The following ADAMTS17 variants were observed in gnomAD, a reference collection of about 807,000 sequenced individuals.
The protein encoded by ADAMTS17 is A disintegrin and metalloproteinase with thrombospondin motifs 17.
A neutral mutation model predicts 141.5 loss-of-function variants in ADAMTS17; 113 were observed. The ratio of observed to expected loss-of-function variants is 0.80; its 90% CI spans 0.69 to 0.93. The LOEUF (loss-of-function observed/expected upper bound fraction) is 0.93, where lower values mean the gene tolerates loss of function less well. Among genes scored for constraint, ADAMTS17 ranks in the 40% least tolerant of loss-of-function variants. The pLI, the probability that ADAMTS17 is intolerant of heterozygous loss-of-function variation, is 0.00. For synonymous variants in ADAMTS17, 768 were observed against 630.6 expected (o/e 1.22, Z -3.27); for missense variants, 1,659 against 1,517.9 (o/e 1.09, Z -1.54).
intron 3 of ADAMTS17, among the ~76,000 whole-genome samples, chr15:100,290,537 GC>G (rs1379095016): frequency 1.3e-5 from 2 of 152,154 alleles, no homozygotes; most frequent in Non-Finnish European, 2.9e-5. Flanking sequence ...CCAGGAAAGA[GC>G]CTGAATAGCT....
chr15:99,971,612 G>A lies in ADAMTS17; in HGVS notation c.*2790C>T, dbSNP rs529656441. 3 of 152,248 alleles carry A rather than the reference G, an allele frequency of 2.0e-5. No homozygotes were observed. The highest frequency in any genetic ancestry group is 4.1e-4 in the South Asian group (2 of 4,828). The allele number at this position is 152,248 out of a possible 1,614,324, so 9.4% of individuals were successfully genotyped here. On this transcript the variant is annotated 3_prime_UTR_variant, in exon 22 of 22. Transcript: ENST00000268070. Reference sequence around the variant, plus strand: ...TCCATGGGTACAGTATGTAATGCAAGTTAACGAATGGAAAATAGATACATT... The same window carrying A: ...TCCATGGGTACAGTATGTAATGCAAATTAACGAATGGAAAATAGATACATT...
chr15:100,116,382 C>CA (rs1392788617), intron 13 of ADAMTS17, among the ~76,000 whole-genome samples: 3 of 152,222 alleles, frequency 2.0e-5, no homozygotes, highest in African/African-American at 4.8e-5. Context: ...AAACTATTCT[C>CA]AAAATGTTCC....
At position 100,165,567 on chromosome 15, in the gene ADAMTS17, C is replaced by T. The variant is rs533987729; in HGVS notation, c.1182-10247G>A. 1.1e-4 allele frequency among the ~76,000 whole-genome samples: 16 copies of T among 152,142 alleles called. 1 individual carries two copies. Among genetic ancestry groups the T allele is most frequent in the Admixed American group, 7.2e-4 (11 of 15,274 alleles). The stretch of plus-strand genomic sequence containing the variant: ...TGCATCTAGAGCCAATGCAGGCAAA[C>T]GGCCTTATGACTTGAATAGACTCTG... On this transcript the variant is annotated intron_variant, in intron 8 of 21. Transcript: ENST00000268070.
intron 7 of ADAMTS17, among the ~76,000 whole-genome samples, chr15:100,200,223 T>A (rs2041273450): frequency 1.3e-5 from 2 of 152,114 alleles, no homozygotes; most frequent in African/African-American, 4.8e-5. Context: ...GGAGGCCGCA[T>A]CCCAAGGATG....
At chr15:100,303,759 G>T (rs949877322) in intron 3 of ADAMTS17, among the ~76,000 whole-genome samples, 2 of 151,628 alleles carry the variant, frequency 1.3e-5, no homozygotes, top group African/African-American at 4.8e-5. Context: ...CTCTCTTGTC[G>T]CCCAGGCTGG....
chr15:100,176,288 A>T (rs947921432), intron 8 of ADAMTS17, among the ~76,000 whole-genome samples: 1 of 152,202 alleles, frequency 6.6e-6, no homozygotes, highest in African/African-American at 2.4e-5. Flanking sequence ...AACGAGGAGG[A>T]GGAAGATGAC....
intron 7 of ADAMTS17, among the ~76,000 whole-genome samples, chr15:100,230,840 C>T (rs532022796): frequency 1.0e-5 from 1 of 96,578 alleles, no homozygotes. Flanking sequence ...ATACCAAACA[C>T]CTCCTGAAAC....
intron 15 of ADAMTS17, among the ~76,000 whole-genome samples, chr15:100,093,484 T>C (rs1464290574): frequency 6.6e-6 from 1 of 152,162 alleles, no homozygotes; most frequent in East Asian, 1.9e-4. Flanking sequence ...TCTAAACTGA[T>C]AGGCCTGGTG....
At chr15:100,060,987 G>A (rs76941960) in intron 15 of ADAMTS17, among the ~76,000 whole-genome samples, 1 of 152,194 alleles carries the variant, frequency 6.6e-6, no homozygotes, top group East Asian at 1.9e-4. Flanking sequence ...CATCAGCCAG[G>A]CCCTGGAGTC....
chr15:100,302,616 T>A (rs2045080156), intron 3 of ADAMTS17, among the ~76,000 whole-genome samples: 1 of 152,180 alleles, frequency 6.6e-6, no homozygotes, highest in African/African-American at 2.4e-5. Context: ...CTCATTGTAA[T>A]TTTGATTTGC....
chr15:100,211,698 T>A (rs192668790), intron 7 of ADAMTS17, among the ~76,000 whole-genome samples: 1 of 152,118 alleles, frequency 6.6e-6, no homozygotes, highest in Non-Finnish European at 1.5e-5. Flanking sequence ...AGAAAAGACA[T>A]AATGAAGACA....
intron 14 of ADAMTS17, among the ~76,000 whole-genome samples, chr15:100,105,566 T>C (rs1567181133): frequency 6.6e-6 from 1 of 152,186 alleles, no homozygotes; most frequent in Non-Finnish European, 1.5e-5. Context: ...AATTGAACCG[T>C]TCATACCAAC....
intron 10 of ADAMTS17, among the ~76,000 whole-genome samples, chr15:100,145,383 T>C (rs2038852551): frequency 6.6e-6 from 1 of 152,242 alleles, no homozygotes. Flanking sequence ...ATGAATATTT[T>C]TCTTTCGTTT....
chr15:100,053,914 G>A lies in ADAMTS17; in HGVS notation c.2278C>T (p.Leu760=). ...CAAGTTACCATCAAGTGCAGCGGTAGTTTGGTTGGTCCCTTGGCAGAGATC... is the reference window on the plus strand; with the variant it reads ...CAAGTTACCATCAAGTGCAGCGGTAATTTGGTTGGTCCCTTGGCAGAGATC... ...EKISAKGPTK[L]PLHLMVLLFH... The change falls in exon 16 of 22, where the codon CTA becomes TTA. Residue 760 remains leucine (L), a synonymous_variant. Coordinates refer to ENST00000268070, the MANE Select transcript of ADAMTS17 (RefSeq NM_139057.4). 2 of 1,614,210 alleles carry A rather than the reference G, an allele frequency of 1.2e-6. No homozygotes were observed. Among genetic ancestry groups the A allele is most frequent in the Non-Finnish European group, 1.7e-6 (2 of 1,180,036 alleles).
At chr15:100,161,499 T>C (rs1476437691) in intron 8 of ADAMTS17, among the ~76,000 whole-genome samples, 2 of 152,234 alleles carry the variant, frequency 1.3e-5, no homozygotes, top group African/African-American at 4.8e-5. Context: ...CCTACTTTCA[T>C]AGCCCTGTGG....
intron 15 of ADAMTS17, among the ~76,000 whole-genome samples, chr15:100,072,971 G>A (rs573499218): frequency 6.6e-6 from 1 of 152,280 alleles, no homozygotes; most frequent in Admixed American, 6.5e-5. Flanking sequence ...CCATCAGAGT[G>A]AACAGGCAAC....
chr15:100,185,968 T>C (rs1361619252), intron 8 of ADAMTS17, among the ~76,000 whole-genome samples: 1 of 152,036 alleles, frequency 6.6e-6, no homozygotes, highest in Non-Finnish European at 1.5e-5. Flanking sequence ...ACACTGGTCG[T>C]GTGAGTGCAG....
chr15:99,974,363 A>C lies in ADAMTS17; in HGVS notation c.*39T>G, dbSNP rs780375981. 34 of 1,613,274 alleles carry C rather than the reference A, an allele frequency of 2.1e-5. No individual in the cohort carries two copies. Among genetic ancestry groups the C allele is most frequent in the African/African-American group, 4.0e-5 (3 of 74,912 alleles). ...AGGCTTGCGGGTGGGTGGGTTTCAG[A>C]CCTGAGTCTGAGCTTTGAGCGACCC... On this transcript the variant is annotated 3_prime_UTR_variant, in exon 22 of 22. Transcript: ENST00000268070.
chr15:100,096,378 G>C lies in ADAMTS17; in HGVS notation c.2115C>G (p.Asp705Glu), dbSNP rs2035757669. ...CACCTGTCCCCCGGGCGTGGCTGAA[G>C]TCGCCCTTCACCAAGTGGCAGGTCT... is the stretch of plus-strand genomic sequence containing the variant. Reference protein sequence around the residue: ...DGKTCHLVKGDFSHARGTALK... With the variant: ...DGKTCHLVKGEFSHARGTALK... The change falls in exon 15 of 22, where the codon GAC becomes GAG. Residue 705 changes from aspartate to glutamate, a missense_variant. Coordinates refer to ENST00000268070, the MANE Select transcript of ADAMTS17 (RefSeq NM_139057.4). 1 of 1,613,884 alleles carries C rather than the reference G, an allele frequency of 6.2e-7. No individual in the cohort carries two copies. Among genetic ancestry groups the C allele is most frequent in the Admixed American group, 1.7e-5 (1 of 60,008 alleles).
Sources: gnomAD v4.1 joint callset for allele counts (sites outside exome capture counted in the v4.1 genomes callset) on GRCh38, gnomAD v4.1.1 for gene constraint, MANE v1.5 for transcripts, NCBI Gene and HGNC (gene_info 2026-07-23, HGNC 2026-07-21) for gene names.